Variants in SH3BGRL2 observed in about 807,000 individuals in gnomAD.
The protein encoded by SH3BGRL2 is SH3 domain binding glutamate rich protein like 2.
A neutral mutation model predicts 14.8 loss-of-function variants in SH3BGRL2; 21 were observed. The observed-to-expected ratio is 1.42, with a 90% CI of 1.01 to 2.05. SH3BGRL2 has a LOEUF of 2.05. SH3BGRL2 is among the 30% of genes most tolerant of loss of function. SH3BGRL2 has a pLI of 0.00. For missense variants in SH3BGRL2, 147 were observed against 130.8 expected, an observed-to-expected ratio of 1.12 and a Z score of -0.61; for synonymous variants, 50 against 47.8, an observed-to-expected ratio of 1.05 and a Z score of -0.19.
the SH3BGRL2 span, among the ~76,000 whole-genome samples, chr6:79,563,831 T>C: frequency 3.3e-5 from 5 of 152,140 alleles, no homozygotes; most frequent in Non-Finnish European, 5.9e-5. Flanking sequence ...GGACTATATA[T>C]TGGAGTGATA....
At chr6:79,565,653 C>T in the SH3BGRL2 span, among the ~76,000 whole-genome samples, 2 of 152,166 alleles carry the variant, frequency 1.3e-5, no homozygotes, top group African/African-American at 4.8e-5. Context: ...ATCCCAGTCC[C>T]AACACATTGA....
intron 1 of SH3BGRL2, among the ~76,000 whole-genome samples, chr6:79,661,106 A>G (rs1769537565): frequency 6.6e-6 from 1 of 152,110 alleles, no homozygotes. Flanking sequence ...GATTTTTTGA[A>G]GGCTTTTTTG....
the SH3BGRL2 span, among the ~76,000 whole-genome samples, chr6:79,554,285 A>G: frequency 6.6e-6 from 1 of 152,228 alleles, no homozygotes; most frequent in Non-Finnish European, 1.5e-5. Flanking sequence ...AAAAAAATTA[A>G]GTAGGAATTT....
intron 2 of SH3BGRL2, among the ~76,000 whole-genome samples, chr6:79,680,483 G>A (rs1769967384): frequency 6.6e-6 from 1 of 152,114 alleles, no homozygotes; most frequent in African/African-American, 2.4e-5. Context: ...CTATAGCTTT[G>A]TAATATGTTT....
At chr6:79,591,653 G>A in the SH3BGRL2 span, among the ~76,000 whole-genome samples, 3 of 152,116 alleles carry the variant, frequency 2.0e-5, no homozygotes, top group African/African-American at 4.8e-5. Context: ...TGATCTGCCC[G>A]CCTCGACTTC....
chr6:79,658,261 A>G (rs1490415995), intron 1 of SH3BGRL2, among the ~76,000 whole-genome samples: 3 of 152,112 alleles, frequency 2.0e-5, no homozygotes, highest in Non-Finnish European at 4.4e-5. Context: ...CTCATCGTTT[A>G]CATCAGATAT....
the SH3BGRL2 span, among the ~76,000 whole-genome samples, chr6:79,568,990 C>T: frequency 2.6e-5 from 4 of 152,056 alleles, no homozygotes; most frequent in African/African-American, 9.7e-5. Context: ...GTAAGCATGG[C>T]CTGTGACACA....
intron 2 of SH3BGRL2, among the ~76,000 whole-genome samples, chr6:79,690,789 C>A (rs959422815): frequency 6.6e-6 from 1 of 152,104 alleles, no homozygotes. Flanking sequence ...TGGTGGCTCA[C>A]GCCTGTCATC....
chr6:79,577,609 AT>A, the SH3BGRL2 span, among the ~76,000 whole-genome samples: 18 of 152,342 alleles, frequency 1.2e-4, no homozygotes, highest in African/African-American at 4.3e-4. Context: ...GACAAAAAAA[AT>A]AAAGCTGCTA....
chr6:79,616,477 C>T, the SH3BGRL2 span, among the ~76,000 whole-genome samples: 1 of 151,812 alleles, frequency 6.6e-6, no homozygotes, highest in Non-Finnish European at 1.5e-5. Flanking sequence ...TGTTCCTGGC[C>T]CTTTGTACAC....
At chr6:79,556,805 A>G in the SH3BGRL2 span, among the ~76,000 whole-genome samples, 1 of 152,024 alleles carries the variant, frequency 6.6e-6, no homozygotes, top group Admixed American at 6.5e-5. Context: ...AACGTTTGTA[A>G]AATTTATAAT....
chr6:79,627,148 G>C (rs1311972121), upstream of SH3BGRL2, among the ~76,000 whole-genome samples: 2 of 152,042 alleles, frequency 1.3e-5, no homozygotes, highest in African/African-American at 4.8e-5. Context: ...CTTGCTCAAA[G>C]CTTCTCATCC....
intron 1 of SH3BGRL2, among the ~76,000 whole-genome samples, chr6:79,655,454 CATTTAAACT>C (rs2127727597): frequency 1.3e-5 from 2 of 151,980 alleles, no homozygotes; most frequent in Non-Finnish European, 2.9e-5. Flanking sequence ...ATTAGCATAC[CATTTAAACT>C]ATTTAAACTA....
intron 1 of SH3BGRL2, among the ~76,000 whole-genome samples, chr6:79,642,492 G>A (rs1013686052): frequency 5.9e-5 from 9 of 152,124 alleles, no homozygotes; most frequent in Non-Finnish European, 8.8e-5. Context: ...AACTCTGACT[G>A]TTGGATAGTA....
upstream of SH3BGRL2, among the ~76,000 whole-genome samples, chr6:79,628,446 G>A (rs1305144747): frequency 2.0e-5 from 3 of 151,970 alleles, no homozygotes; most frequent in East Asian, 3.9e-4. Flanking sequence ...CAACATGGGA[G>A]CCACTTTCTT....
At chr6:79,598,444 T>C in the SH3BGRL2 span, among the ~76,000 whole-genome samples, 2 of 152,222 alleles carry the variant, frequency 1.3e-5, no homozygotes, top group Admixed American at 6.5e-5. Flanking sequence ...AAGGAAGTAC[T>C]GGTATGCACT....
chr6:79,637,956 A>T (rs1768959158), intron 1 of SH3BGRL2, among the ~76,000 whole-genome samples: 1 of 152,206 alleles, frequency 6.6e-6, no homozygotes, highest in Non-Finnish European at 1.5e-5. Flanking sequence ...TAGCATACAA[A>T]CTATTTTTAT....
Position 79,699,669 on chromosome 6 carries a change from G to C in SH3BGRL2, c.*160G>C. On this transcript the variant is annotated 3_prime_UTR_variant, in exon 4 of 4. Transcript: ENST00000369838. ...TTTTTGAAAGATGTGGCTATAATGA[G>C]AATTGCATGATTGCTTTAAACCAAA... 9.9e-7 allele frequency: 1 copy of C among 1,010,820 alleles called. No individual in the cohort carries two copies. The highest frequency in any genetic ancestry group is 1.4e-6 in the Non-Finnish European group (1 of 740,080). The allele number at this position is 1,010,820 out of a possible 1,614,324, so 62.6% of individuals were successfully genotyped here.
the SH3BGRL2 span, among the ~76,000 whole-genome samples, chr6:79,568,308 T>C: frequency 3.3e-5 from 5 of 152,170 alleles, no homozygotes; most frequent in African/African-American, 1.2e-4. Flanking sequence ...CAGTAAAAAA[T>C]TGGAACCAAC....
Sources: gnomAD v4.1 joint callset for allele counts (sites outside exome capture counted in the v4.1 genomes callset) on GRCh38, gnomAD v4.1.1 for gene constraint, MANE v1.5 for transcripts, NCBI Gene and HGNC (gene_info 2026-07-23, HGNC 2026-07-21) for gene names.